Variants in USP3 observed in about 807,000 individuals in gnomAD.
USP3 encodes ubiquitin specific peptidase 3.
A neutral mutation model predicts 72.3 loss-of-function variants in USP3; 20 were observed. The ratio of observed to expected loss-of-function variants is 0.28; its 90% CI spans 0.19 to 0.40. The LOEUF (loss-of-function observed/expected upper bound fraction) is 0.40, where lower values mean the gene tolerates loss of function less well. Ranked by LOEUF, USP3 falls within the 10% of genes least tolerant of loss-of-function variation. The pLI, the probability that USP3 is intolerant of heterozygous loss-of-function variation, is 1.00. For missense variants in USP3, 479 were observed against 633.9 expected (o/e 0.76, Z 2.62); for synonymous variants, 222 against 225.3 (o/e 0.99, Z 0.13).
intron 3 of USP3, among the ~76,000 whole-genome samples, chr15:63,546,888 G>A (rs563527287): frequency 2.8e-4 from 42 of 152,312 alleles, no homozygotes; most frequent in African/African-American, 9.4e-4. Flanking sequence ...GATTACAGGC[G>A]TGAGCCACCG....
intron 3 of USP3, among the ~76,000 whole-genome samples, chr15:63,542,741 A>T (rs1279501252): frequency 6.6e-6 from 1 of 152,176 alleles, no homozygotes; most frequent in Admixed American, 6.5e-5. Flanking sequence ...CATATACTAA[A>T]TGATGAAATG....
At chr15:63,577,928 CAA>C (rs60885501) in intron 11 of USP3, among the ~76,000 whole-genome samples, 83,530 of 122,430 alleles carry the variant, frequency 0.68, 27,234 homozygotes, top group Non-Finnish European at 0.73. Flanking sequence ...GACCCTGCCT[CAA>C]AAAAAAAAAA....
At chr15:63,559,762 A>G in intron 6 of USP3, 95 bp from the exon 7 acceptor site, 1 of 991,662 alleles carries the variant, frequency 1.0e-6, no homozygotes, top group Non-Finnish European at 1.5e-6. Flanking sequence ...CAATTGAAAA[A>G]TGGCAGTTTC....
chr15:63,539,005 G>C (rs1019765123), intron 3 of USP3, among the ~76,000 whole-genome samples: 9 of 152,076 alleles, frequency 5.9e-5, no homozygotes, highest in Non-Finnish European at 1.3e-4. Flanking sequence ...TTTACACAAA[G>C]GTTAGTGCTC....
rs1555396900 is a variant in USP3 at position 63,580,659 on chromosome 15, T to TATG, written c.1096+6257_1096+6258insTGA. 6.0e-4 allele frequency among the ~76,000 whole-genome samples: 31 copies of TATG among 51,582 alleles called. 1 individual carries two copies. The highest frequency in any genetic ancestry group is 2.8e-3 in the African/African-American group (29 of 10,412). 33.8% of individuals were successfully genotyped at this position (51,582 alleles called of 152,430 possible). Reference sequence around the variant, plus strand: ...AGTGGTGCATATATATATGAATATATAATATATATATGAATATATAATATA... The same window carrying TATG: ...AGTGGTGCATATATATATGAATATATATGAATATATATATGAATATATAATATA... On this transcript the variant is annotated intron_variant, in intron 11 of 14. Coordinates refer to ENST00000380324, the MANE Select transcript of USP3 (RefSeq NM_006537.4).
chr15:63,559,275 T>C (rs2152672423), intron 6 of USP3, among the ~76,000 whole-genome samples: 1 of 152,264 alleles, frequency 6.6e-6, no homozygotes, highest in Admixed American at 6.5e-5. Context: ...GTAGAATAAA[T>C]TATTTTGAAA....
chr15:63,534,977 G>A (rs972259424), intron 2 of USP3, among the ~76,000 whole-genome samples: 1 of 151,828 alleles, frequency 6.6e-6, no homozygotes, highest in Non-Finnish European at 1.5e-5. Flanking sequence ...TGTCACCCAG[G>A]CTGCAGTGGA....
chr15:63,585,930 T>G (rs1393206561), intron 11 of USP3, among the ~76,000 whole-genome samples: 1 of 152,034 alleles, frequency 6.6e-6, no homozygotes, highest in East Asian at 1.9e-4. Flanking sequence ...CACAAAATAA[T>G]TTACTGGTTT....
At chr15:63,573,155 T>G (rs1350724708) in intron 9 of USP3, among the ~76,000 whole-genome samples, 1 of 152,182 alleles carries the variant, frequency 6.6e-6, no homozygotes, top group Non-Finnish European at 1.5e-5. Flanking sequence ...AGATACACAC[T>G]TAGGGAAAAA....
In USP3 at chr15:63,553,853, T is replaced by C; in HGVS notation, c.368+55T>C. Reference sequence around the variant, plus strand: ...GCCTAAGAATGGGGTTGAGGAGTCTTTTAGAATTTTTGAGTGGGGTTTTTG... The same window carrying C: ...GCCTAAGAATGGGGTTGAGGAGTCTCTTAGAATTTTTGAGTGGGGTTTTTG... On this transcript the variant is annotated intron_variant, in intron 4 of 14. Coordinates refer to ENST00000380324, the MANE Select transcript of USP3 (RefSeq NM_006537.4). The surrounding 1 kb of genome is among the most constrained non-coding windows in gnomAD (Gnocchi z 4.2). The C allele has an allele frequency of 7.0e-7, 1 of 1,429,518 alleles. No individual in the cohort carries two copies. Among genetic ancestry groups the C allele is most frequent in the South Asian group, 1.3e-5 (1 of 78,274 alleles). 88.6% of individuals were successfully genotyped at this position (1,429,518 alleles called of 1,614,324 possible).
intron 1 of USP3, among the ~76,000 whole-genome samples, chr15:63,525,024 C>T (rs898675803): frequency 6.6e-6 from 1 of 152,204 alleles, no homozygotes; most frequent in African/African-American, 2.4e-5. Flanking sequence ...GCTGAACTGA[C>T]TTTACCAGCA....
Position 63,588,322 on chromosome 15 carries a change from A to G in USP3, c.1114A>G (p.Thr372Ala). The change falls in exon 12 of 15, where the codon ACC becomes GCC. Residue 372 changes from threonine (T) to alanine (A), a missense_variant. Coordinates refer to ENST00000380324, the MANE Select transcript of USP3 (RefSeq NM_006537.4). The surrounding 1 kb of genome is among the most constrained non-coding windows in gnomAD (Gnocchi z 4.6). ...CSLRDCLRSF[T>A]DLEELDETEL... ...TTGTTTAGATTGTCTTCGCAGTTTT[A>G]CCGACTTAGAAGAACTTGATGAGAC... The G allele has an allele frequency of 6.3e-7, 1 of 1,596,240 alleles. No individual in the cohort carries two copies.
intron 6 of USP3, among the ~76,000 whole-genome samples, chr15:63,559,509 T>C (rs916224957): frequency 5.1e-4 from 78 of 152,224 alleles, no homozygotes; most frequent in Non-Finnish European, 2.5e-4. Flanking sequence ...CATGGTTTGT[T>C]TTTATTTGAG....
chr15:63,535,614 T>C (rs1444858381), intron 2 of USP3, among the ~76,000 whole-genome samples: 1 of 152,172 alleles, frequency 6.6e-6, no homozygotes, highest in African/African-American at 2.4e-5. Flanking sequence ...TTTAGTACAG[T>C]TTTATGAACA....
intron 1 of USP3, among the ~76,000 whole-genome samples, chr15:63,511,286 T>TAAAAAAAAAAAA (rs1491258005): frequency 1.0e-4 from 1 of 9,928 alleles, no homozygotes; most frequent in African/African-American, 2.0e-4. Context: ...AAAAAAAGAG[T>TAAAAAAAAAAAA]CTTTATTTTG....
intron 1 of USP3, among the ~76,000 whole-genome samples, chr15:63,526,953 G>T (rs991767644): frequency 6.6e-6 from 1 of 152,222 alleles, no homozygotes; most frequent in South Asian, 2.1e-4. Context: ...GGAGTGCAGT[G>T]GTGTGATCTC....
At position 63,588,988 on chromosome 15, in the gene USP3, T is replaced by C. The variant is rs1161154592; in HGVS notation, c.1374T>C (p.Ala458=). The change falls in exon 14 of 15, where the codon GCT becomes GCC. Residue 458 remains alanine (A), a synonymous_variant. Coordinates refer to ENST00000380324, the MANE Select transcript of USP3 (RefSeq NM_006537.4). This position sits in a 1 kb window ranked among gnomAD's most constrained non-coding sequence, Gnocchi z 4.6. The part of the protein sequence containing the change: ...GPESCLYDLA[A]VVVHHGSGVG... ...AGAGCTGCCTGTATGACCTCGCCGCTGTGGTGGTGCACCATGGTTCCGGGT... is the reference window on the plus strand; with the variant it reads ...AGAGCTGCCTGTATGACCTCGCCGCCGTGGTGGTGCACCATGGTTCCGGGT... 1 of 1,613,822 alleles carries C rather than the reference T, an allele frequency of 6.2e-7. No individual in the cohort carries two copies. The highest frequency in any genetic ancestry group is 1.3e-5 in the African/African-American group (1 of 75,046).
At chr15:63,507,036 A>T (rs144915064) in intron 1 of USP3, among the ~76,000 whole-genome samples, 1 of 151,698 alleles carries the variant, frequency 6.6e-6, no homozygotes, top group African/African-American at 2.4e-5. Context: ...TCCTTAACTA[A>T]CTCATTATCT....
chr15:63,591,951 G>C lies in USP3; in HGVS notation c.*1125G>C, dbSNP rs2067209372. The C allele has an allele frequency of 6.6e-6, 1 of 152,246 alleles. No individual in the cohort carries two copies. Among genetic ancestry groups the C allele is most frequent in the Non-Finnish European group, 1.5e-5 (1 of 68,092 alleles). 9.4% of individuals were successfully genotyped at this position (152,246 alleles called of 1,614,324 possible). On this transcript the variant is annotated 3_prime_UTR_variant, in exon 15 of 15. Transcript: ENST00000380324. ...TTTTTGGAGACAAGAGTCTCTCTCT[G>C]TTGCCCAGGCTGGAGTGCAGTGGCA... is the stretch of plus-strand genomic sequence containing the variant.
Sources: gnomAD v4.1 joint callset for allele counts (sites outside exome capture counted in the v4.1 genomes callset) on GRCh38, gnomAD v4.1.1 for gene constraint, Gnocchi (gnomAD v3.1) non-coding constraint, MANE v1.5 for transcripts, NCBI Gene and HGNC (gene_info 2026-07-23, HGNC 2026-07-21) for gene names.